Variants in IL1RAPL1 observed in about 807,000 individuals in gnomAD.
The protein encoded by IL1RAPL1 is interleukin-1 receptor accessory protein-like 1.
In IL1RAPL1, 3 loss-of-function variants were observed where a neutral mutation model predicts 48.4. The ratio of observed to expected loss-of-function variants is 0.06; its 90% confidence interval spans 0.03 to 0.16. The LOEUF (loss-of-function observed/expected upper bound fraction) is 0.16, where lower values mean the gene tolerates loss of function less well. IL1RAPL1 is among the 10% of genes least tolerant of loss of function. The pLI is 1.00. For synonymous variants in IL1RAPL1, 185 were observed against 187.7 expected (o/e 0.99, Z 0.12); for missense variants, 349 against 530.6 (o/e 0.66, Z 3.36).
At chrX:28,920,683 A>C (rs1023892264) in intron 2 of IL1RAPL1, among the ~76,000 whole-genome samples, 3 of 111,956 alleles carry the variant, frequency 2.7e-5, no homozygotes. Context: ...GCAGTCATCC[A>C]ATATGTACTA....
At chrX:29,145,229 A>G (rs1368966967) in intron 2 of IL1RAPL1, among the ~76,000 whole-genome samples, 1 of 111,751 alleles carries the variant, frequency 8.9e-6, no homozygotes, top group African/African-American at 3.3e-5. Context: ...CAGCCATTTT[A>G]TGTTTTTACA....
intron 1 of IL1RAPL1, among the ~76,000 whole-genome samples, chrX:28,747,338 A>G (rs2146955971): frequency 8.9e-6 from 1 of 111,946 alleles, no homozygotes; most frequent in African/African-American, 3.2e-5. Flanking sequence ...TTACCCTTGA[A>G]TAACAGTTCA....
intron 5 of IL1RAPL1, among the ~76,000 whole-genome samples, chrX:29,462,091 A>G (rs6653817): frequency 0.1 from 11,440 of 112,004 alleles, 979 homozygotes; most frequent in African/African-American, 0.29. Flanking sequence ...TTTTCTAGAA[A>G]GATTTTATAA....
intron 2 of IL1RAPL1, among the ~76,000 whole-genome samples, chrX:28,938,526 A>G (rs771795550): frequency 3.6e-5 from 4 of 111,635 alleles, no homozygotes; most frequent in Non-Finnish European, 7.5e-5. Context: ...TCAGCTCAAG[A>G]TGCATTAATG....
intron 1 of IL1RAPL1, among the ~76,000 whole-genome samples, chrX:28,734,089 G>A (rs761689215): frequency 9.0e-6 from 1 of 111,350 alleles, no homozygotes; most frequent in East Asian, 2.8e-4. Context: ...AAGAGATCCA[G>A]ATGGTGACCA....
At chrX:29,096,777 A>T (rs924632933) in intron 2 of IL1RAPL1, among the ~76,000 whole-genome samples, 9 of 110,540 alleles carry the variant, frequency 8.1e-5, no homozygotes, top group African/African-American at 2.6e-4. Flanking sequence ...ATTTTCTTTG[A>T]GGTCCAAAAT....
intron 6 of IL1RAPL1, among the ~76,000 whole-genome samples, chrX:29,726,668 GAAGA>G (rs1927782010): frequency 1.8e-5 from 2 of 111,831 alleles, no homozygotes; most frequent in Non-Finnish European, 3.8e-5. Context: ...TTTCTAAACA[GAAGA>G]AAGAAAAATC....
intron 2 of IL1RAPL1, among the ~76,000 whole-genome samples, chrX:28,803,312 G>A (rs1264830770): frequency 9.0e-6 from 1 of 111,479 alleles, no homozygotes; most frequent in Non-Finnish European, 1.9e-5. Flanking sequence ...TGAAGATCTT[G>A]TGTGGATAGA....
intron 6 of IL1RAPL1, among the ~76,000 whole-genome samples, chrX:29,870,612 C>T (rs1184878454): frequency 1.8e-5 from 2 of 111,895 alleles, no homozygotes; most frequent in Non-Finnish European, 3.8e-5. Flanking sequence ...CCTGGTTCTC[C>T]AGGAATCATA....
chrX:29,221,583 C>T (rs1221305788), intron 2 of IL1RAPL1, among the ~76,000 whole-genome samples: 1 of 106,011 alleles, frequency 9.4e-6, no homozygotes, highest in Non-Finnish European at 1.9e-5. Flanking sequence ...GCATATGTTA[C>T]CGTCATTATG....
Position 29,526,919 on chromosome X carries a change from T to G in IL1RAPL1, c.703+127611T>G, listed in dbSNP as rs373477931. Among the ~76,000 whole-genome samples, 4 of 111,223 alleles carry G rather than the reference T, an allele frequency of 3.6e-5. No individual in the cohort carries two copies. The East Asian group carries it at 1.1e-3, about 31-fold the overall frequency. On this transcript the variant is annotated intron_variant, in intron 5 of 10. Coordinates refer to ENST00000378993, the MANE Select transcript of IL1RAPL1 (RefSeq NM_014271.4). ...GGAGCTAGGCAAGTTGAAACTAAGG[T>G]TAAAATGAAAAAATAATGAACAAAA... is the stretch of plus-strand genomic sequence containing the variant.
intron 2 of IL1RAPL1, among the ~76,000 whole-genome samples, chrX:29,005,472 T>G (rs1243209525): frequency 1.8e-5 from 2 of 112,060 alleles, no homozygotes; most frequent in Non-Finnish European, 3.8e-5. Flanking sequence ...GTGACAAGAA[T>G]GAGTATATTT....
At chrX:29,088,624 C>T (rs1281071919) in intron 2 of IL1RAPL1, among the ~76,000 whole-genome samples, 1 of 97,741 alleles carries the variant, frequency 1.0e-5, no homozygotes, top group Non-Finnish European at 2.0e-5. Flanking sequence ...TGCAGTGAGC[C>T]GACATGCGCC....
chrX:28,956,436 A>T (rs1309401377), intron 2 of IL1RAPL1, among the ~76,000 whole-genome samples: 1 of 110,959 alleles, frequency 9.0e-6, no homozygotes, highest in Non-Finnish European at 1.9e-5. Context: ...GATATGTCCC[A>T]TCAATACCTA....
chrX:29,416,082 G>A (rs1033197302), intron 5 of IL1RAPL1, among the ~76,000 whole-genome samples: 5 of 111,544 alleles, frequency 4.5e-5, no homozygotes, highest in Non-Finnish European at 9.4e-5. Flanking sequence ...CTCACTTTGT[G>A]TATTATACTT....
At chrX:29,446,625 A>C (rs761336416) in intron 5 of IL1RAPL1, among the ~76,000 whole-genome samples, 1 of 112,015 alleles carries the variant, frequency 8.9e-6, no homozygotes, top group Admixed American at 9.5e-5. Flanking sequence ...TTTCTGTGAG[A>C]TGCTACTTGG....
chrX:29,430,591 A>ATGTGTGTG (rs1276102769), intron 5 of IL1RAPL1, among the ~76,000 whole-genome samples: 1 of 106,781 alleles, frequency 9.4e-6, no homozygotes, highest in Non-Finnish European at 1.9e-5. Flanking sequence ...GTATATATAT[A>ATGTGTGTG]TATGTGTGTG....
At chrX:29,669,990 A>G (rs182083592) in intron 6 of IL1RAPL1, among the ~76,000 whole-genome samples, 1 of 111,925 alleles carries the variant, frequency 8.9e-6, no homozygotes, top group Admixed American at 9.5e-5. Context: ...ATATAAAACT[A>G]TTAAACATTT....
At chrX:29,777,481 GA>G (rs768872106) in intron 6 of IL1RAPL1, among the ~76,000 whole-genome samples, 1 of 111,733 alleles carries the variant, frequency 8.9e-6, no homozygotes, top group East Asian at 2.8e-4. Flanking sequence ...GAGGTTGATT[GA>G]AAAAATGTCA....
Sources: gnomAD v4.1 joint callset for allele counts (sites outside exome capture counted in the v4.1 genomes callset) on GRCh38, gnomAD v4.1.1 for gene constraint, MANE v1.5 for transcripts, NCBI Gene and HGNC (gene_info 2026-07-23, HGNC 2026-07-21) for gene names.